The following BLTP3B variants were observed in gnomAD, a reference collection of about 807,000 sequenced individuals.
The protein encoded by BLTP3B is UHRF1 (ICBP90) binding protein 1-like.
chr12:100,056,459 T>C, the BLTP3B span, among the ~76,000 whole-genome samples: 2 of 152,040 alleles, frequency 1.3e-5, no homozygotes, highest in African/African-American at 4.8e-5. Flanking sequence ...TTATTACTTA[T>C]TATATACTTG....
chr12:100,037,810 G>T, the BLTP3B span: 1 of 1,472,746 alleles, frequency 6.8e-7, no homozygotes, highest in Non-Finnish European at 9.2e-7. Flanking sequence ...AGGAAATACA[G>T]ACTATTTATA....
chr12:100,089,183 T>C, the BLTP3B span: 2 of 1,171,868 alleles, frequency 1.7e-6, no homozygotes, highest in Admixed American at 2.9e-5. Context: ...TCGAAAGTCA[T>C]GAAAAATAAC....
the BLTP3B span, chr12:100,084,583 T>C: frequency 6.2e-7 from 1 of 1,614,060 alleles, no homozygotes; most frequent in African/African-American, 1.3e-5. Flanking sequence ...CTCAAATTCA[T>C]GCAATAACTC....
the BLTP3B span, among the ~76,000 whole-genome samples, chr12:100,048,414 T>A: frequency 6.6e-6 from 1 of 152,152 alleles, no homozygotes; most frequent in Non-Finnish European, 1.5e-5. Context: ...TTTCTGTTTT[T>A]TTGATAACAA....
the BLTP3B span, among the ~76,000 whole-genome samples, chr12:100,079,878 T>C: frequency 2.0e-5 from 3 of 152,190 alleles, no homozygotes; most frequent in Non-Finnish European, 4.4e-5. Flanking sequence ...GCTCCAGCCA[T>C]GGATGAAAGG....
chr12:100,041,782 G>C, the BLTP3B span, among the ~76,000 whole-genome samples: 1 of 151,976 alleles, frequency 6.6e-6, no homozygotes, highest in Non-Finnish European at 1.5e-5. Context: ...TCTAACCTGG[G>C]CAACTGGGCA....
At chr12:100,055,947 C>T in the BLTP3B span, among the ~76,000 whole-genome samples, 1 of 152,124 alleles carries the variant, frequency 6.6e-6, no homozygotes, top group South Asian at 2.1e-4. Context: ...ATACTATTGA[C>T]AGAATTGTGA....
the BLTP3B span, among the ~76,000 whole-genome samples, chr12:100,061,462 C>G: frequency 2.4e-4 from 36 of 152,156 alleles, no homozygotes; most frequent in African/African-American, 7.9e-4. Context: ...TCGAGACCAT[C>G]CTGGCTAACA....
chr12:100,067,316 C>A, the BLTP3B span, among the ~76,000 whole-genome samples: 1 of 151,924 alleles, frequency 6.6e-6, no homozygotes, highest in Non-Finnish European at 1.5e-5. Context: ...CCAAACCCAG[C>A]AGAAGAAAGG....
At chr12:100,040,648 T>C in the BLTP3B span, among the ~76,000 whole-genome samples, 1 of 152,128 alleles carries the variant, frequency 6.6e-6, no homozygotes, top group Non-Finnish European at 1.5e-5. Context: ...ATCTCACCAC[T>C]GCACTCCAGC....
At chr12:100,091,546 A>T in the BLTP3B span, among the ~76,000 whole-genome samples, 1 of 151,462 alleles carries the variant, frequency 6.6e-6, no homozygotes, top group South Asian at 2.1e-4. Context: ...TCTGTTGCCC[A>T]GGCTGGAGTG....
chr12:100,130,921 A>AATACATACATACATACATACATACATAC, the BLTP3B span, among the ~76,000 whole-genome samples: 26 of 127,682 alleles, frequency 2.0e-4, no homozygotes, highest in African/African-American at 8.4e-4. Context: ...ATCTCAAAAA[A>AATACATACATACATACATACATACATAC]ATACATACAT....
chr12:100,077,255 G>A, the BLTP3B span, among the ~76,000 whole-genome samples: 1 of 151,978 alleles, frequency 6.6e-6, no homozygotes, highest in African/African-American at 2.4e-5. Context: ...TAACTGCTAC[G>A]GTATTCAATA....
At chr12:100,053,478 A>C in the BLTP3B span, among the ~76,000 whole-genome samples, 1 of 152,122 alleles carries the variant, frequency 6.6e-6, no homozygotes, top group Non-Finnish European at 1.5e-5. Context: ...ATGTGGAAAG[A>C]CTAGTTAGGG....
chr12:100,120,440 A>T, the BLTP3B span, among the ~76,000 whole-genome samples: 1 of 152,144 alleles, frequency 6.6e-6, no homozygotes, highest in Non-Finnish European at 1.5e-5. Context: ...GGAACCAAAG[A>T]AGACACAGAT....
chr12:100,115,793 A>G, the BLTP3B span, among the ~76,000 whole-genome samples: 1 of 152,026 alleles, frequency 6.6e-6, no homozygotes. Flanking sequence ...AAAAAAACAC[A>G]CAAGTATAAT....
chr12:100,048,220 A>C, the BLTP3B span: 1 of 1,556,604 alleles, frequency 6.4e-7, no homozygotes, highest in African/African-American at 1.4e-5. Flanking sequence ...ACATACAAAA[A>C]TGTTTGTAGC....
the BLTP3B span, among the ~76,000 whole-genome samples, chr12:100,063,747 A>T: frequency 6.6e-6 from 1 of 151,682 alleles, no homozygotes; most frequent in Non-Finnish European, 1.5e-5. Flanking sequence ...GGAGAATACC[A>T]CTCCGAGGGA....
At chr12:100,092,849 G>A in the BLTP3B span, 1 of 951,478 alleles carries the variant, frequency 1.1e-6, no homozygotes, top group Non-Finnish European at 1.3e-6. Flanking sequence ...TTGCAAAATA[G>A]TCTCCTGTAC....
Sources: gnomAD v4.1 joint callset for allele counts (sites outside exome capture counted in the v4.1 genomes callset) on GRCh38, gnomAD v4.1.1 for gene constraint, MANE v1.5 for transcripts, NCBI Gene and HGNC (gene_info 2026-07-23, HGNC 2026-07-21) for gene names.